The following NFIB variants were observed in gnomAD, a reference collection of about 807,000 sequenced individuals.
The protein encoded by NFIB is nuclear factor 1 B-type.
In NFIB, 11 loss-of-function variants were observed where a neutral mutation model predicts 61.5. The ratio of observed to expected loss-of-function variants is 0.18; its 90% CI spans 0.11 to 0.30. The LOEUF (loss-of-function observed/expected upper bound fraction) is 0.30. Among genes scored for constraint, NFIB ranks in the 10% least tolerant of loss-of-function variants. The pLI is 1.00. For synonymous variants in NFIB, 260 were observed against 216.5 expected (o/e 1.20, Z -1.76); for missense variants, 471 against 608.9 (o/e 0.77, Z 2.38).
intron 2 of NFIB, among the ~76,000 whole-genome samples, chr9:14,238,664 C>A (rs2054043841): frequency 6.6e-6 from 1 of 152,108 alleles, no homozygotes; most frequent in Non-Finnish European, 1.5e-5. Context: ...CAGTTCATTT[C>A]CAAACAAAGG....
the NFIB span, among the ~76,000 whole-genome samples, chr9:14,479,902 G>T: frequency 1.3e-5 from 2 of 152,040 alleles, no homozygotes; most frequent in Non-Finnish European, 2.9e-5. Flanking sequence ...TTAGATAGCA[G>T]TGATGGGTTG....
chr9:14,357,873 A>G (rs1057456731), intron 1 of NFIB: 4 of 152,212 alleles, frequency 2.6e-5, no homozygotes, highest in Non-Finnish European at 5.9e-5. Context: ...ATGCTAAGTA[A>G]GAGAAGCCTG....
Position 14,282,022 on chromosome 9 carries a change from G to C in NFIB, c.562+24967C>G, listed in dbSNP as rs367761587. Among the ~76,000 whole-genome samples, 4 of 152,126 alleles carry C rather than the reference G, an allele frequency of 2.6e-5. No individual in the cohort carries two copies. The South Asian group carries it at 6.2e-4, about 24-fold the overall frequency. Reference sequence around the variant, plus strand: ...CTTTAAAGGAAAAACTTTGTGGTAAGTGTTCATTCTAAAAATATTCTATTC... The same window carrying C: ...CTTTAAAGGAAAAACTTTGTGGTAACTGTTCATTCTAAAAATATTCTATTC... On this transcript the variant is annotated intron_variant, in intron 2 of 10. Coordinates refer to ENST00000380953, the MANE Select transcript of NFIB (RefSeq NM_001190737.2).
chr9:14,338,401 A>AAAGAAAAGAAAAG (rs770294229), intron 1 of NFIB, among the ~76,000 whole-genome samples: 2 of 149,402 alleles, frequency 1.3e-5, no homozygotes, highest in African/African-American at 4.9e-5. Context: ...CTCAAAAAAA[A>AAAGAAAAGAAAAG]AAAAGAAAAG....
chr9:14,311,761 T>G (rs1003933717), intron 1 of NFIB, among the ~76,000 whole-genome samples: 2 of 152,326 alleles, frequency 1.3e-5, no homozygotes, highest in Admixed American at 1.3e-4. Flanking sequence ...GTTAGAAATA[T>G]AGAGAAATGC....
chr9:14,131,793 G>C (rs1157732112), intron 6 of NFIB, among the ~76,000 whole-genome samples: 1 of 152,130 alleles, frequency 6.6e-6, no homozygotes, highest in South Asian at 2.1e-4. Flanking sequence ...TGTCATCCAA[G>C]TCGCTCCCGG....
At chr9:14,341,949 A>G (rs1300418992) in intron 1 of NFIB, among the ~76,000 whole-genome samples, 1 of 152,192 alleles carries the variant, frequency 6.6e-6, no homozygotes, top group East Asian at 1.9e-4. Context: ...GAAAAAAAAA[A>G]AAAAAAATCA....
At chr9:14,234,238 C>T (rs1301250346) in intron 2 of NFIB, among the ~76,000 whole-genome samples, 1 of 152,150 alleles carries the variant, frequency 6.6e-6, no homozygotes, top group East Asian at 1.9e-4. Context: ...ACAAACCCAT[C>T]TGCAACAGAA....
intron 10 of NFIB, chr9:14,093,462 C>A (rs1195377941): frequency 6.6e-6 from 1 of 151,984 alleles, no homozygotes; most frequent in Non-Finnish European, 1.5e-5. Context: ...ATACATACCT[C>A]AACTGTAACA....
chr9:14,254,215 C>T (rs1026287047), intron 2 of NFIB, among the ~76,000 whole-genome samples: 6 of 152,018 alleles, frequency 3.9e-5, no homozygotes, highest in Non-Finnish European at 8.8e-5. Context: ...GCATAAGAAT[C>T]GCTTGAACCT....
the NFIB span, among the ~76,000 whole-genome samples, chr9:14,420,679 G>A: frequency 6.6e-6 from 1 of 152,074 alleles, no homozygotes; most frequent in Non-Finnish European, 1.5e-5. Context: ...AAGAATCCAA[G>A]GGCCCAGAAA....
chr9:14,190,141 T>C (rs1279043821), intron 2 of NFIB, among the ~76,000 whole-genome samples: 3 of 152,222 alleles, frequency 2.0e-5, no homozygotes, highest in Admixed American at 1.3e-4. Context: ...TATATCCTTA[T>C]GTGAGCTTAG....
chr9:14,247,235 A>G (rs1439729656), intron 2 of NFIB, among the ~76,000 whole-genome samples: 4 of 152,336 alleles, frequency 2.6e-5, no homozygotes, highest in East Asian at 1.9e-4. Flanking sequence ...ACAGTCCACA[A>G]TTAAGTGGTG....
At chr9:14,468,079 C>A in the NFIB span, among the ~76,000 whole-genome samples, 2 of 152,166 alleles carry the variant, frequency 1.3e-5, no homozygotes, top group Admixed American at 1.3e-4. Context: ...GAAATTATCC[C>A]TATAGGGGAA....
rs61391471 is a variant in NFIB, at chr9:14,272,692, C to CAA, written c.562+34295_562+34296dup. On this transcript the variant is annotated intron_variant, in intron 2 of 10. Coordinates refer to ENST00000380953, the MANE Select transcript of NFIB (RefSeq NM_001190737.2). ...TAGCAACAGCTATAATCAATTCTCGCAAAAAAAAAAAAAAAAAAAAAAAAA... is the reference window on the plus strand; with the variant it reads ...TAGCAACAGCTATAATCAATTCTCGCAAAAAAAAAAAAAAAAAAAAAAAAAAA... 1.3e-3 allele frequency among the ~76,000 whole-genome samples: 90 copies of CAA among 67,208 alleles called. 1 individual carries two copies. The highest frequency in any genetic ancestry group is 3.8e-3 in the African/African-American group (69 of 18,076). 44.1% of individuals were successfully genotyped at this position (67,208 alleles called of 152,430 possible). A position where few individuals can be genotyped will look rare whatever the true frequency, so the allele number is the denominator to read the frequency against.
intron 8 of NFIB, among the ~76,000 whole-genome samples, chr9:14,119,271 A>C (rs148936151): frequency 1.9e-4 from 29 of 152,312 alleles, no homozygotes; most frequent in African/African-American, 6.7e-4. Context: ...TTAGTACTTC[A>C]GTCATGAAAA....
chr9:14,363,414 G>A (rs1588371059), intron 1 of NFIB, among the ~76,000 whole-genome samples: 1 of 152,234 alleles, frequency 6.6e-6, no homozygotes. Flanking sequence ...GTTTCCAAGT[G>A]TGCTCCTCCT....
In NFIB at chr9:14,120,650, T is replaced by G. The variant is rs745967723; in HGVS notation, c.1061-26A>C. ...CTGCAGAAGACAGAAAAGGAAAGAT[T>G]GACTCATCAGCTGGTTACCTTATTG... On this transcript the variant is annotated intron_variant, in intron 7 of 10. Coordinates refer to ENST00000380953, the MANE Select transcript of NFIB (RefSeq NM_001190737.2). This position sits in a 1 kb window ranked among gnomAD's most constrained non-coding sequence, Gnocchi z 4.4. 1.2e-5 allele frequency: 19 copies of G among 1,568,512 alleles called. No homozygotes were observed. The highest frequency in any genetic ancestry group is 1.7e-4 in the Middle Eastern group (1 of 5,806).
intron 6 of NFIB, among the ~76,000 whole-genome samples, chr9:14,141,380 A>G (rs1427081946): frequency 6.6e-6 from 1 of 152,214 alleles, no homozygotes; most frequent in Non-Finnish European, 1.5e-5. Context: ...CCAAATTGTA[A>G]TAACATGCCA....
Sources: gnomAD v4.1 joint callset for allele counts (sites outside exome capture counted in the v4.1 genomes callset) on GRCh38, gnomAD v4.1.1 for gene constraint, Gnocchi (gnomAD v3.1) non-coding constraint, MANE v1.5 for transcripts, NCBI Gene and HGNC (gene_info 2026-07-23, HGNC 2026-07-21) for gene names.